The following TIAM1 variants were observed in gnomAD, a reference collection of about 807,000 sequenced individuals.
TIAM1 encodes the protein TIAM Rac1 associated GEF 1.
A neutral mutation model predicts 163.5 loss-of-function variants in TIAM1; 65 were observed. That is an observed-to-expected ratio of 0.40 (90% CI 0.33 to 0.49). TIAM1 has a LOEUF of 0.49. TIAM1 is among the 20% of genes least tolerant of loss of function. TIAM1 has a pLI of 0.77. For synonymous variants in TIAM1, 833 were observed against 810.1 expected, an observed-to-expected ratio of 1.03 and a Z score of -0.48; for missense variants, 1,789 against 2,044.7, an observed-to-expected ratio of 0.87 and a Z score of 2.41.
intron 2 of TIAM1, among the ~76,000 whole-genome samples, chr21:31,439,705 C>G (rs1366335105): frequency 6.6e-6 from 1 of 152,236 alleles, no homozygotes; most frequent in Non-Finnish European, 1.5e-5. Flanking sequence ...TCCAAGCACG[C>G]TGTACGCCAT....
At chr21:31,487,989 G>A (rs1332801508) in intron 1 of TIAM1, among the ~76,000 whole-genome samples, 2 of 152,182 alleles carry the variant, frequency 1.3e-5, no homozygotes, top group African/African-American at 4.8e-5. Context: ...ACTGCGCCCG[G>A]CCACTTGATC....
intron 2 of TIAM1, among the ~76,000 whole-genome samples, chr21:31,374,186 C>T (rs1002794838): frequency 2.0e-5 from 3 of 152,026 alleles, no homozygotes; most frequent in African/African-American, 7.3e-5. Context: ...ATGCCAACAC[C>T]GAGTATGGAA....
intron 6 of TIAM1, among the ~76,000 whole-genome samples, chr21:31,233,269 A>C (rs2088541514): frequency 6.6e-6 from 1 of 152,230 alleles, no homozygotes; most frequent in Non-Finnish European, 1.5e-5. Flanking sequence ...TAAAAGAAAA[A>C]AAAAGAAAGT....
intron 1 of TIAM1, among the ~76,000 whole-genome samples, chr21:31,503,157 G>A (rs1017438260): frequency 2.0e-5 from 3 of 152,126 alleles, no homozygotes; most frequent in Non-Finnish European, 2.9e-5. Flanking sequence ...CACTTTGGGA[G>A]GCTGCGGCGG....
At chr21:31,344,891 CT>C (rs1164407204), upstream of TIAM1, among the ~76,000 whole-genome samples, 2 of 152,200 alleles carry the variant, frequency 1.3e-5, no homozygotes, top group Non-Finnish European at 2.9e-5. Flanking sequence ...TTCCTTCCCC[CT>C]GGAAAGAAAA....
At chr21:31,243,066 C>G (rs2071283418) in intron 6 of TIAM1, among the ~76,000 whole-genome samples, 2 of 149,758 alleles carry the variant, frequency 1.3e-5, no homozygotes, top group Non-Finnish European at 3.0e-5. Context: ...GTGGCACATG[C>G]CTGTAATCCC....
chr21:31,268,899 G>A (rs1479819011), intron 3 of TIAM1, among the ~76,000 whole-genome samples: 1 of 152,132 alleles, frequency 6.6e-6, no homozygotes, highest in African/African-American at 2.4e-5. Context: ...ATACCTGGAT[G>A]TGCCTATGTA....
intron 2 of TIAM1, among the ~76,000 whole-genome samples, chr21:31,321,260 G>A (rs1404316944): frequency 4.6e-5 from 7 of 152,130 alleles, no homozygotes; most frequent in East Asian, 3.9e-4. Flanking sequence ...CCTCTGCCTC[G>A]GACTCAGGCT....
intron 2 of TIAM1, among the ~76,000 whole-genome samples, chr21:31,439,903 A>G (rs73902342): frequency 0.047 from 7,148 of 152,264 alleles, 562 homozygotes; most frequent in African/African-American, 0.16. Context: ...AGAATATAAC[A>G]GCTAGTGTAG....
At chr21:31,132,409 G>C (rs938286478) in intron 23 of TIAM1, among the ~76,000 whole-genome samples, 11 of 152,082 alleles carry the variant, frequency 7.2e-5, no homozygotes, top group African/African-American at 2.2e-4. Flanking sequence ...CCCCACAAAG[G>C]TTCACACTGA....
At chr21:31,210,681 A>AGGG (rs2086776106) in intron 10 of TIAM1, among the ~76,000 whole-genome samples, 1 of 80,618 alleles carries the variant, frequency 1.2e-5, no homozygotes, top group Non-Finnish European at 2.3e-5. Context: ...GAAAGAAAGA[A>AGGG]AGAAAAAGAA....
At chr21:31,377,943 C>T (rs1330151155) in intron 2 of TIAM1, among the ~76,000 whole-genome samples, 1 of 151,790 alleles carries the variant, frequency 6.6e-6, no homozygotes, top group African/African-American at 2.4e-5. Flanking sequence ...TCAAGACCTG[C>T]CTGACCAACA....
chr21:31,156,213 G>A (rs1457799182), intron 16 of TIAM1, among the ~76,000 whole-genome samples: 1 of 152,240 alleles, frequency 6.6e-6, no homozygotes, highest in Non-Finnish European at 1.5e-5. Context: ...CAGGACAGAG[G>A]AGAGCCAGGA....
At chr21:31,122,037 A>G (rs1041770457) in intron 27 of TIAM1, among the ~76,000 whole-genome samples, 1 of 152,300 alleles carries the variant, frequency 6.6e-6, no homozygotes, top group African/African-American at 2.4e-5. Context: ...TCGTGTCTCA[A>G]TTACTGCCAA....
At chr21:31,528,905 A>C (rs972324847) in intron 1 of TIAM1, among the ~76,000 whole-genome samples, 17 of 150,466 alleles carry the variant, frequency 1.1e-4, no homozygotes, top group Admixed American at 9.3e-4. Context: ...AATAGGTATT[A>C]TGAAAATGAA....
At chr21:31,340,160 C>G (rs2075970825) in intron 1 of TIAM1, among the ~76,000 whole-genome samples, 1 of 151,384 alleles carries the variant, frequency 6.6e-6, no homozygotes, top group Non-Finnish European at 1.5e-5. Flanking sequence ...CCTTTCCATC[C>G]CCAGTCCAGT....
At chr21:31,332,052 A>G (rs1341964521) in intron 2 of TIAM1, among the ~76,000 whole-genome samples, 1 of 152,124 alleles carries the variant, frequency 6.6e-6, no homozygotes, top group East Asian at 1.9e-4. Context: ...ATATTTTCCC[A>G]TTTTATTTAA....
At chr21:31,338,088 C>T (rs1285127056) in intron 2 of TIAM1, among the ~76,000 whole-genome samples, 1 of 152,130 alleles carries the variant, frequency 6.6e-6, no homozygotes, top group Admixed American at 6.6e-5. Context: ...GCTCCGTGTC[C>T]AGACAGCCCT....
intron 2 of TIAM1, among the ~76,000 whole-genome samples, chr21:31,410,557 G>A (rs2147238481): frequency 6.6e-6 from 1 of 152,184 alleles, no homozygotes; most frequent in East Asian, 1.9e-4. Flanking sequence ...GTGAGCATGT[G>A]TGAGCAACTG....
Sources: gnomAD v4.1 joint callset for allele counts (sites outside exome capture counted in the v4.1 genomes callset) on GRCh38, gnomAD v4.1.1 for gene constraint, MANE v1.5 for transcripts, NCBI Gene and HGNC (gene_info 2026-07-23, HGNC 2026-07-21) for gene names.